Variants in PRKG1 observed in about 807,000 individuals in gnomAD.
PRKG1 encodes cGMP-dependent protein kinase 1.
Under a neutral mutation model 88.1 loss-of-function variants are expected in PRKG1, and 35 were observed. That is an observed-to-expected ratio of 0.40 (90% CI 0.30 to 0.53). PRKG1 has a LOEUF of 0.53. PRKG1 is among the 20% of genes least tolerant of loss of function. PRKG1 has a pLI of 0.59. For synonymous variants in PRKG1, 303 were observed against 292.5 expected (o/e 1.04, Z -0.37); for missense variants, 540 against 839.8 (o/e 0.64, Z 4.41).
intron 3 of PRKG1, among the ~76,000 whole-genome samples, chr10:51,774,373 A>G (rs1838382423): frequency 6.6e-6 from 1 of 152,090 alleles, no homozygotes; most frequent in Non-Finnish European, 1.5e-5. Context: ...TTTTCCCCTT[A>G]TACTATATTC....
chr10:51,617,051 C>A (rs1564574656), intron 3 of PRKG1, among the ~76,000 whole-genome samples: 2 of 152,112 alleles, frequency 1.3e-5, no homozygotes, highest in African/African-American at 4.8e-5. Context: ...GCATGAGCTT[C>A]CCTCTGGAGC....
At chr10:52,133,942 A>G (rs767782547) in intron 8 of PRKG1, 37 bp downstream of exon 8, 5 of 1,520,208 alleles carry the variant, frequency 3.3e-6, no homozygotes, top group Non-Finnish European at 4.6e-6. Flanking sequence ...TTACACACTC[A>G]TATCAGCAAC....
intron 5 of PRKG1, among the ~76,000 whole-genome samples, chr10:51,941,600 T>TC (rs1842908696): frequency 7.7e-6 from 1 of 129,968 alleles, no homozygotes; most frequent in African/African-American, 2.8e-5. Flanking sequence ...CTATCCCTCC[T>TC]CCCTCCCCCG....
intron 4 of PRKG1, among the ~76,000 whole-genome samples, chr10:51,835,425 G>C (rs1840108112): frequency 6.6e-6 from 1 of 152,174 alleles, no homozygotes; most frequent in Admixed American, 6.5e-5. Context: ...GAACTGACTG[G>C]TTCTGTGCAG....
intron 4 of PRKG1, among the ~76,000 whole-genome samples, chr10:51,830,548 GT>G (rs1022530024): frequency 0.01 from 1,205 of 116,176 alleles, 14 homozygotes; most frequent in East Asian, 0.042. Context: ...CTCTTAAAGT[GT>G]TTTTTTTTTT....
chr10:51,520,217 A>G (rs550122553), intron 3 of PRKG1, among the ~76,000 whole-genome samples: 51 of 150,516 alleles, frequency 3.4e-4, no homozygotes, highest in Non-Finnish European at 5.0e-4. Context: ...TAATATATAC[A>G]AATTAAATGT....
At chr10:51,400,231 G>GAATA (rs941182403) in intron 2 of PRKG1, among the ~76,000 whole-genome samples, 5 of 151,994 alleles carry the variant, frequency 3.3e-5, no homozygotes, top group African/African-American at 9.7e-5. Context: ...TAGGGCAAAT[G>GAATA]AATAAATAAA....
intron 2 of PRKG1, among the ~76,000 whole-genome samples, chr10:51,391,659 T>C (rs1564473430): frequency 2.0e-5 from 3 of 152,204 alleles, no homozygotes; most frequent in Admixed American, 6.5e-5. Context: ...TCAGAGCCAA[T>C]AGGGCCAACT....
chr10:51,823,630 A>C (rs959421940), intron 4 of PRKG1, among the ~76,000 whole-genome samples: 2 of 151,998 alleles, frequency 1.3e-5, no homozygotes, highest in Non-Finnish European at 2.9e-5. Context: ...ATTTTTGAAA[A>C]TTTCTTGAAA....
intron 9 of PRKG1, among the ~76,000 whole-genome samples, chr10:52,202,075 A>G (rs1839686424): frequency 6.6e-6 from 1 of 151,944 alleles, no homozygotes; most frequent in Non-Finnish European, 1.5e-5. Context: ...TGCTCTGGCT[A>G]TGAATTCCAG....
intron 2 of PRKG1, among the ~76,000 whole-genome samples, chr10:51,256,008 T>C (rs578216455): frequency 6.6e-6 from 1 of 152,222 alleles, no homozygotes; most frequent in East Asian, 1.9e-4. Flanking sequence ...TCCAGTGTTA[T>C]TTTCCACCTT....
intron 2 of PRKG1, among the ~76,000 whole-genome samples, chr10:51,410,610 C>T (rs1267588690): frequency 1.3e-5 from 2 of 152,076 alleles, no homozygotes; most frequent in Admixed American, 6.6e-5. Context: ...CACAGACACA[C>T]GCAGAATCAA....
intron 5 of PRKG1, among the ~76,000 whole-genome samples, chr10:52,017,773 C>T (rs73341228): frequency 0.016 from 2,409 of 152,096 alleles, 74 homozygotes; most frequent in African/African-American, 0.055. Context: ...AGATGTTTCC[C>T]GGGATTCTAG....
At chr10:51,641,161 G>A (rs111792109) in intron 3 of PRKG1, among the ~76,000 whole-genome samples, 1 of 152,066 alleles carries the variant, frequency 6.6e-6, no homozygotes, top group Non-Finnish European at 1.5e-5. Flanking sequence ...ATTATCCTGG[G>A]TTAGCATCCA....
intron 3 of PRKG1, among the ~76,000 whole-genome samples, chr10:51,659,939 G>A (rs546088088): frequency 2.0e-5 from 3 of 151,866 alleles, no homozygotes; most frequent in East Asian, 1.9e-4. Context: ...GCAGTATTTC[G>A]ACCCCACTCT....
chr10:51,825,328 T>A (rs1839856616), intron 4 of PRKG1, among the ~76,000 whole-genome samples: 1 of 152,160 alleles, frequency 6.6e-6, no homozygotes, highest in African/African-American at 2.4e-5. Flanking sequence ...TCTACCAAGC[T>A]CTTTCCCCTT....
intron 3 of PRKG1, among the ~76,000 whole-genome samples, chr10:51,682,774 A>G (rs188934412): frequency 1.1e-3 from 174 of 152,310 alleles, no homozygotes; most frequent in African/African-American, 3.8e-3. Flanking sequence ...CAGAATTTGA[A>G]CACAGGCAGA....
At chr10:51,186,954 T>TTATATATA (rs3061211) in intron 2 of PRKG1, among the ~76,000 whole-genome samples, 318 of 131,100 alleles carry the variant, frequency 2.4e-3, no homozygotes, top group African/African-American at 6.8e-3. Flanking sequence ...AGGCCCTGTG[T>TTATATATA]TATATATATA....
At chr10:52,106,243 T>C (rs1239287968) in intron 7 of PRKG1, among the ~76,000 whole-genome samples, 1 of 152,210 alleles carries the variant, frequency 6.6e-6, no homozygotes, top group Non-Finnish European at 1.5e-5. Context: ...TTGGAGATGT[T>C]GGAAAACAAA....
Sources: allele counts gnomAD v4.1 joint callset (sites outside exome capture counted in the v4.1 genomes callset), GRCh38; gene constraint gnomAD v4.1.1; transcripts MANE v1.5; gene names NCBI Gene and HGNC (gene_info 2026-07-23, HGNC 2026-07-21).